The following ADAMTS17 variants were observed in gnomAD, a reference collection of about 807,000 sequenced individuals.
The protein encoded by ADAMTS17 is ADAM metallopeptidase with thrombospondin type 1 motif 17, also known as A disintegrin and metalloproteinase with thrombospondin motifs 17.
In ADAMTS17, 113 loss-of-function variants were observed where a neutral mutation model predicts 141.5. That is an observed-to-expected ratio of 0.80 (90% CI 0.69 to 0.93). The LOEUF is 0.93. Ranked by LOEUF, ADAMTS17 falls within the 40% of genes least tolerant of loss-of-function variation. The pLI, the probability that ADAMTS17 is intolerant of heterozygous loss-of-function variation, is 0.00. For missense variants in ADAMTS17, 1,659 were observed against 1,517.9 expected, an observed-to-expected ratio of 1.09 and a Z score of -1.54; for synonymous variants, 768 against 630.6, an observed-to-expected ratio of 1.22 and a Z score of -3.27.
intron 7 of ADAMTS17, among the ~76,000 whole-genome samples, chr15:100,203,228 C>A (rs1238395537): frequency 6.6e-6 from 1 of 152,114 alleles, no homozygotes; most frequent in African/African-American, 2.4e-5. Flanking sequence ...TCTACTATAC[C>A]CCTGACAACA....
chr15:100,155,798 T>C (rs1387309600), intron 8 of ADAMTS17, among the ~76,000 whole-genome samples: 1 of 152,228 alleles, frequency 6.6e-6, no homozygotes, highest in Non-Finnish European at 1.5e-5. Flanking sequence ...TTACAGAGTA[T>C]GGCTTTTCTA....
intron 1 of ADAMTS17, 99 bp downstream of exon 1, chr15:100,341,722 G>T: frequency 7.0e-6 from 10 of 1,432,964 alleles, no homozygotes; most frequent in Non-Finnish European, 8.3e-6. Flanking sequence ...GCCGTCAGCG[G>T]TCCCGCCGCC....
intron 3 of ADAMTS17, among the ~76,000 whole-genome samples, chr15:100,302,089 C>T (rs1334812803): frequency 3.3e-5 from 5 of 152,166 alleles, no homozygotes; most frequent in African/African-American, 1.2e-4. Context: ...TCCTTCCCCA[C>T]CCTCAGGCCT....
At chr15:100,135,575 G>T (rs538423366) in intron 10 of ADAMTS17, among the ~76,000 whole-genome samples, 1 of 152,126 alleles carries the variant, frequency 6.6e-6, no homozygotes, top group South Asian at 2.1e-4. Context: ...GAGCCACTGC[G>T]CCTGGCCAAA....
intron 13 of ADAMTS17, among the ~76,000 whole-genome samples, chr15:100,115,219 G>A (rs1009551900): frequency 4.6e-5 from 7 of 152,182 alleles, no homozygotes; most frequent in African/African-American, 1.7e-4. Context: ...CTGACACAGC[G>A]GGAAGCCTCC....
At chr15:99,983,471 C>T (rs2060521922) in intron 20 of ADAMTS17, among the ~76,000 whole-genome samples, 2 of 152,218 alleles carry the variant, frequency 1.3e-5, no homozygotes, top group East Asian at 3.9e-4. Flanking sequence ...GACATCCTTC[C>T]CCACAGCGGG....
rs766731429 is a variant in ADAMTS17, at chr15:100,164,089, C to T, written c.1182-8769G>A. Among the ~76,000 whole-genome samples, 5 of 152,178 alleles carry T rather than the reference C, an allele frequency of 3.3e-5. 1 individual carries two copies. The highest frequency in any genetic ancestry group is 4.1e-4 in the South Asian group (2 of 4,830). On this transcript the variant is annotated intron_variant, in intron 8 of 21. Transcript: ENST00000268070. ...CAAGTTAACAGTATCAGGCACCAGG[C>T]GCTAGCTGCTTAGTCTCCCGTATTC...
chr15:99,976,586 G>A (rs1289025004), intron 20 of ADAMTS17: 3 of 396,706 alleles, frequency 7.6e-6, no homozygotes, highest in South Asian at 2.2e-5. Flanking sequence ...TGTTGGAGCC[G>A]TGGAGGTGGG....
At chr15:100,086,161 G>C (rs543213439) in intron 15 of ADAMTS17, among the ~76,000 whole-genome samples, 1 of 152,198 alleles carries the variant, frequency 6.6e-6, no homozygotes, top group African/African-American at 2.4e-5. Flanking sequence ...GACCTACCAA[G>C]CAGATGGAAA....
chr15:100,175,036 C>T (rs2040287681), intron 8 of ADAMTS17, among the ~76,000 whole-genome samples: 1 of 152,170 alleles, frequency 6.6e-6, no homozygotes, highest in South Asian at 2.1e-4. Flanking sequence ...AAGCACCCAC[C>T]TTCCAGCATC....
intron 7 of ADAMTS17, among the ~76,000 whole-genome samples, chr15:100,242,607 G>A (rs935104301): frequency 2.0e-5 from 3 of 151,864 alleles, no homozygotes; most frequent in African/African-American, 7.3e-5. Context: ...TCTCCTCCCC[G>A]TCCTGCACAC....
At chr15:100,255,227 G>A (rs1280446466) in intron 6 of ADAMTS17, among the ~76,000 whole-genome samples, 1 of 152,098 alleles carries the variant, frequency 6.6e-6, no homozygotes, top group Non-Finnish European at 1.5e-5. Context: ...AGTTTCCATG[G>A]TCAGGGATCA....
At chr15:100,220,834 C>A (rs903329302) in intron 7 of ADAMTS17, among the ~76,000 whole-genome samples, 5 of 152,230 alleles carry the variant, frequency 3.3e-5, no homozygotes, top group African/African-American at 1.2e-4. Context: ...CATGTCACAG[C>A]ATGTAATGTT....
chr15:100,233,503 G>T (rs138294092), intron 7 of ADAMTS17, among the ~76,000 whole-genome samples: 2 of 152,056 alleles, frequency 1.3e-5, no homozygotes, highest in Non-Finnish European at 2.9e-5. Flanking sequence ...TTATTAGCTC[G>T]AAAAATATGT....
chr15:100,152,326 AG>A (rs2039206470), intron 10 of ADAMTS17, among the ~76,000 whole-genome samples: 1 of 152,102 alleles, frequency 6.6e-6, no homozygotes, highest in South Asian at 2.1e-4. Context: ...CCCCTGCAAA[AG>A]TGCCCGTGTG....
intron 15 of ADAMTS17, among the ~76,000 whole-genome samples, chr15:100,090,724 C>G (rs892059324): frequency 7.9e-5 from 12 of 152,078 alleles, no homozygotes; most frequent in South Asian, 2.1e-4. Context: ...AAAAAGGAAA[C>G]CAGCTGGGCG....
intron 12 of ADAMTS17, among the ~76,000 whole-genome samples, chr15:100,120,455 G>T (rs1406423928): frequency 2.6e-5 from 4 of 152,226 alleles, no homozygotes; most frequent in Admixed American, 6.5e-5. Context: ...GCTACTTTCA[G>T]TTGTTAAGGT....
At chr15:100,332,594 C>T (rs967099614) in intron 2 of ADAMTS17, among the ~76,000 whole-genome samples, 4 of 152,166 alleles carry the variant, frequency 2.6e-5, no homozygotes, top group African/African-American at 7.2e-5. Flanking sequence ...TCACAAACCC[C>T]GGCATAAAAA....
intron 7 of ADAMTS17, among the ~76,000 whole-genome samples, chr15:100,210,804 T>C (rs963115498): frequency 2.0e-5 from 3 of 149,538 alleles, no homozygotes; most frequent in Non-Finnish European, 4.4e-5. Context: ...CCGTCTCTAC[T>C]AAAAATACAA....
Sources: gnomAD v4.1 joint callset for allele counts (sites outside exome capture counted in the v4.1 genomes callset) on GRCh38, gnomAD v4.1.1 for gene constraint, MANE v1.5 for transcripts, NCBI Gene and HGNC (gene_info 2026-07-23, HGNC 2026-07-21) for gene names.